The following ABHD17B variants were observed in gnomAD, a reference collection of about 807,000 sequenced individuals.
The protein encoded by ABHD17B is alpha/beta hydrolase domain-containing protein 17B.
ABHD17B carries 9 observed loss-of-function variants against 26.2 expected under a neutral mutation model. The ratio of observed to expected loss-of-function variants is 0.34; its 90% CI spans 0.21 to 0.60. The LOEUF is 0.60. Ranked by LOEUF, ABHD17B falls within the 20% of genes least tolerant of loss-of-function variation. ABHD17B has a pLI of 0.80. For synonymous variants in ABHD17B, 127 were observed against 122.3 expected, an observed-to-expected ratio of 1.04 and a Z score of -0.25; for missense variants, 224 against 352.1, an observed-to-expected ratio of 0.64 and a Z score of 2.91.
At chr9:71,882,214 TA>T (rs973804820) in intron 1 of ABHD17B, among the ~76,000 whole-genome samples, 1 of 152,154 alleles carries the variant, frequency 6.6e-6, no homozygotes, top group Non-Finnish European at 1.5e-5. Context: ...CTCAAAAACT[TA>T]AAGAGTTGCC....
intron 1 of ABHD17B, among the ~76,000 whole-genome samples, chr9:71,896,912 C>T (rs1381596917): frequency 6.6e-6 from 1 of 152,202 alleles, no homozygotes; most frequent in Non-Finnish European, 1.5e-5. Context: ...TTTCTCTCTT[C>T]TAGCAGCCCT....
Position 71,865,277 on chromosome 9 carries a change from C to A in ABHD17B, c.*1510G>T. The A allele has an allele frequency of 3.0e-6, 3 of 985,644 alleles. No individual in the cohort carries two copies. The highest frequency in any genetic ancestry group is 9.4e-5 in the South Asian group (2 of 21,284). 61.1% of individuals were successfully genotyped at this position (985,644 alleles called of 1,614,324 possible). On this transcript the variant is annotated 3_prime_UTR_variant, in exon 4 of 4. Coordinates refer to ENST00000333421, the MANE Select transcript of ABHD17B (RefSeq NM_001025780.3). Reference sequence around the variant, plus strand: ...AAACATAACCACGGAACGAGCAGAACAATTAAAACTACATAAGGCCTTAAA... The same window carrying A: ...AAACATAACCACGGAACGAGCAGAAAAATTAAAACTACATAAGGCCTTAAA...
At chr9:71,909,446 T>C (rs1198222740) in intron 1 of ABHD17B, among the ~76,000 whole-genome samples, 1 of 152,184 alleles carries the variant, frequency 6.6e-6, no homozygotes. Context: ...CTGGCTATCA[T>C]TAGATGTCAC....
rs1825959239 is a variant in ABHD17B, at chr9:71,866,496, T to C, written c.*291A>G. On this transcript the variant is annotated 3_prime_UTR_variant, in exon 4 of 4. Transcript: ENST00000333421. ...TATGCAAAAGCATTTGGCAATACTT[T>C]TACAGCATTTGATTTTATAGAATTA... is the stretch of plus-strand genomic sequence containing the variant. 3 of 1,102,144 alleles carry C rather than the reference T, an allele frequency of 2.7e-6. No homozygotes were observed. The highest frequency in any genetic ancestry group is 3.3e-6 in the Non-Finnish European group (3 of 902,638). 68.3% of individuals were successfully genotyped at this position (1,102,144 alleles called of 1,614,324 possible).
At chr9:71,865,069 G>T, downstream of ABHD17B, 1 of 766,312 alleles carries the variant, frequency 1.3e-6, no homozygotes, top group Non-Finnish European at 1.6e-6. Context: ...TTCAAACTAT[G>T]TCCTATAAAA....
intron 1 of ABHD17B, among the ~76,000 whole-genome samples, chr9:71,876,179 CT>C (rs1826270602): frequency 6.6e-6 from 1 of 152,012 alleles, no homozygotes; most frequent in Non-Finnish European, 1.5e-5. Context: ...TAAAGGTAAA[CT>C]TTTCTAAATG....
chr9:71,862,680 C>T (rs1187135196), downstream of ABHD17B: 2 of 695,394 alleles, frequency 2.9e-6, no homozygotes, highest in Non-Finnish European at 5.0e-6. Context: ...CTTTCCATAA[C>T]TGTTTATGAA....
intron 2 of ABHD17B, among the ~76,000 whole-genome samples, chr9:71,871,092 A>C (rs944532135): frequency 4.6e-5 from 7 of 152,204 alleles, no homozygotes; most frequent in African/African-American, 1.7e-4. Context: ...ACCTGAGCTA[A>C]TGAATGTGGG....
In ABHD17B at chr9:71,874,767, C is replaced by G. The variant is rs1826211968; in HGVS notation, c.314G>C (p.Gly105Ala). ...TCCTATGTAAAAGCTGCTCATTTGA[C>G]CAAGATCAACAGCATTTCCATGTGA... The part of the protein sequence containing the change: ...LFSHGNAVDL[G>A]QMSSFYIGLG... The change falls in exon 2 of 4, where the codon GGT becomes GCT. Residue 105 changes from glycine (G) to alanine (A), a missense_variant. Coordinates refer to ENST00000333421, the MANE Select transcript of ABHD17B (RefSeq NM_001025780.3). The G allele has an allele frequency of 1.2e-6, 2 of 1,614,138 alleles. No homozygotes were observed. Among genetic ancestry groups the G allele is most frequent in the Non-Finnish European group, 1.7e-6 (2 of 1,180,020 alleles).
chr9:71,900,704 T>TTGTGTCA lies in ABHD17B; in HGVS notation c.-4+9923_-4+9929dup, dbSNP rs144401203. Among the ~76,000 whole-genome samples, 37 of 151,082 alleles carry TTGTGTCA rather than the reference T, an allele frequency of 2.4e-4. No individual in the cohort carries two copies. The East Asian group carries it at 6.6e-3, about 27-fold the overall frequency. On this transcript the variant is annotated intron_variant, in intron 1 of 3. Coordinates refer to ENST00000333421, the MANE Select transcript of ABHD17B (RefSeq NM_001025780.3). ...ACTTCTCCACAGGTCCTTAAAGGCC[T>TTGTGTCA]TGTGTCAAGTGGCTTTTGCTTACTC...
chr9:71,905,121 AG>A (rs1244183506), intron 1 of ABHD17B, among the ~76,000 whole-genome samples: 2 of 151,940 alleles, frequency 1.3e-5, no homozygotes, highest in Non-Finnish European at 2.9e-5. Flanking sequence ...GAGTGGAAGA[AG>A]TTTTTTGTTT....
chr9:71,862,740 T>G, downstream of ABHD17B: 1 of 584,928 alleles, frequency 1.7e-6, no homozygotes, highest in East Asian at 3.1e-5. Flanking sequence ...AGAATACCAC[T>G]ATTTACATGA....
Position 71,877,514 on chromosome 9 carries a change from T to A in ABHD17B, c.-3-2431A>T, listed in dbSNP as rs1262565775. Among the ~76,000 whole-genome samples, 5 of 152,238 alleles carry A rather than the reference T, an allele frequency of 3.3e-5. No homozygotes were observed. In the South Asian group the frequency reaches 8.3e-4, roughly 25 times the overall value. ...CTCACTGCAACCTCCGCCTCCCACA[T>A]TCAAGTGATTCTCCTGCCTCAGCCT... On this transcript the variant is annotated intron_variant, in intron 1 of 3. Transcript: ENST00000333421.
Position 71,865,657 on chromosome 9 carries a change from T to C in ABHD17B, c.*1130A>G, listed in dbSNP as rs1825937025. 1 of 806,464 alleles carries C rather than the reference T, an allele frequency of 1.2e-6. No individual in the cohort carries two copies. The allele number at this position is 806,464 out of a possible 1,614,324, so 50.0% of individuals were successfully genotyped here. A position where few individuals can be genotyped will look rare whatever the true frequency, so the allele number is the denominator to read the frequency against. On this transcript the variant is annotated 3_prime_UTR_variant, in exon 4 of 4. Coordinates refer to ENST00000333421, the MANE Select transcript of ABHD17B (RefSeq NM_001025780.3). ...AAGGGCAGATCATGAGGTCAGGAGTTCAAGACCAGCCTGATCAACATGGCA... is the reference window on the plus strand; with the variant it reads ...AAGGGCAGATCATGAGGTCAGGAGTCCAAGACCAGCCTGATCAACATGGCA...
chr9:71,899,960 C>A (rs1236489590), intron 1 of ABHD17B, among the ~76,000 whole-genome samples: 1 of 152,034 alleles, frequency 6.6e-6, no homozygotes, highest in Non-Finnish European at 1.5e-5. Flanking sequence ...TCTTTAGGAG[C>A]CTTACTAAAA....
At chr9:71,871,883 C>T (rs1469990390) in intron 2 of ABHD17B, among the ~76,000 whole-genome samples, 1 of 152,198 alleles carries the variant, frequency 6.6e-6, no homozygotes, top group East Asian at 1.9e-4. Context: ...GAATGCCAGG[C>T]CCCGAGTTTC....
At chr9:71,875,174 T>C (rs555737686) in intron 1 of ABHD17B, 91 bp from the exon 2 acceptor site, 6 of 1,005,310 alleles carry the variant, frequency 6.0e-6, no homozygotes, top group African/African-American at 4.9e-5. Context: ...GTAAATTTTA[T>C]TGGTGGTTAA....
chr9:71,884,277 ATC>A (rs1826540241), intron 1 of ABHD17B, among the ~76,000 whole-genome samples: 1 of 152,226 alleles, frequency 6.6e-6, no homozygotes, highest in African/African-American at 2.4e-5. Context: ...ATGACCCAGA[ATC>A]TCTCTCTTGG....
Position 71,906,723 on chromosome 9 carries a change from TG to T in ABHD17B, c.-4+3910del, listed in dbSNP as rs1306136940. On this transcript the variant is annotated intron_variant, in intron 1 of 3. Transcript: ENST00000333421. ...GTCCCAGATGCTCAGGAGGCTGAAG[TG>T]GGAGGATCCCTTGAGCCCAGGAGTT... Among the ~76,000 whole-genome samples the T allele has an allele frequency of 2.0e-5, 3 of 151,790 alleles. No homozygotes were observed. The East Asian group carries it at 5.8e-4, about 29-fold the overall frequency.
Sources: allele counts gnomAD v4.1 joint callset (sites outside exome capture counted in the v4.1 genomes callset), GRCh38; gene constraint gnomAD v4.1.1; transcripts MANE v1.5; gene names NCBI Gene and HGNC (gene_info 2026-07-23, HGNC 2026-07-21).